Variants in DGKG observed in about 807,000 individuals in gnomAD.
DGKG encodes DAG kinase gamma.
DGKG carries 78 observed loss-of-function variants against 105.3 expected under a neutral mutation model. That is an observed-to-expected ratio of 0.74 (90% CI 0.62 to 0.89). The LOEUF (loss-of-function observed/expected upper bound fraction) is 0.89, where lower values mean the gene tolerates loss of function less well. Ranked by LOEUF, DGKG falls within the 40% of genes least tolerant of loss-of-function variation. DGKG has a pLI of 0.00. For missense variants in DGKG, 958 were observed against 1,020.1 expected (o/e 0.94, Z 0.83); for synonymous variants, 346 against 367.1 (o/e 0.94, Z 0.66).
chr3:186,288,170 G>T (rs1002174209), intron 6 of DGKG, among the ~76,000 whole-genome samples: 9 of 152,038 alleles, frequency 5.9e-5, no homozygotes, highest in Non-Finnish European at 1.0e-4. Flanking sequence ...TAATTAACTG[G>T]CCCCCTCGTT....
chr3:186,195,818 G>C (rs1472887908), intron 21 of DGKG, among the ~76,000 whole-genome samples: 1 of 152,116 alleles, frequency 6.6e-6, no homozygotes, highest in African/African-American at 2.4e-5. Flanking sequence ...AGATCTACAG[G>C]CTTGACTAGA....
intron 20 of DGKG, among the ~76,000 whole-genome samples, chr3:186,224,124 T>C (rs1459680058): frequency 1.3e-5 from 2 of 152,236 alleles, no homozygotes; most frequent in Non-Finnish European, 2.9e-5. Flanking sequence ...TACTTTATCC[T>C]ACTTAAATCT....
At chr3:186,253,043 T>C (rs1721299429) in intron 18 of DGKG, 50 bp downstream of exon 18, 1 of 1,531,876 alleles carries the variant, frequency 6.5e-7, no homozygotes. Context: ...AGCATCTCTG[T>C]AAACAGGAAC....
intron 6 of DGKG, among the ~76,000 whole-genome samples, chr3:186,286,121 C>A (rs1375686380): frequency 6.6e-6 from 1 of 152,138 alleles, no homozygotes; most frequent in Non-Finnish European, 1.5e-5. Flanking sequence ...TCATCATTTC[C>A]TCCTAGATGT....
Position 186,275,915 on chromosome 3 carries a change from C to T in DGKG, c.793-251G>A, listed in dbSNP as rs372599046. ...ATAAAATAAATCCTCTCCCGCATGGCTGGCAGAAGCATAAACTGAACAACA... is the reference window on the plus strand; with the variant it reads ...ATAAAATAAATCCTCTCCCGCATGGTTGGCAGAAGCATAAACTGAACAACA... On this transcript the variant is annotated intron_variant, in intron 9 of 24. Transcript: ENST00000265022. 2.6e-5 allele frequency among the ~76,000 whole-genome samples: 4 copies of T among 152,270 alleles called. No homozygotes were observed. In the East Asian group the frequency reaches 5.8e-4, roughly 22 times the overall value.
At chr3:186,256,623 T>A (rs1476341493) in intron 17 of DGKG, among the ~76,000 whole-genome samples, 1 of 152,210 alleles carries the variant, frequency 6.6e-6, no homozygotes, top group African/African-American at 2.4e-5. Flanking sequence ...AAAGCCATAT[T>A]CCATAGAATG....
chr3:186,288,904 T>A (rs1217971142), intron 5 of DGKG, 24 bp from the exon 6 acceptor site: 2 of 1,520,802 alleles, frequency 1.3e-6, no homozygotes, highest in African/African-American at 2.8e-5. Flanking sequence ...AAGGAAAACA[T>A]CCAAGGACAT....
At chr3:186,352,815 C>G (rs1242866668) in intron 1 of DGKG, among the ~76,000 whole-genome samples, 1 of 152,194 alleles carries the variant, frequency 6.6e-6, no homozygotes, top group Non-Finnish European at 1.5e-5. Context: ...TTCTCTCCTT[C>G]TAAGACAGCA....
chr3:186,262,228 C>A (rs914208917), intron 14 of DGKG, among the ~76,000 whole-genome samples: 1 of 152,140 alleles, frequency 6.6e-6, no homozygotes, highest in African/African-American at 2.4e-5. Flanking sequence ...TCCTCCTGAA[C>A]CCTGGTCCCA....
intron 7 of DGKG, among the ~76,000 whole-genome samples, chr3:186,282,578 T>A: frequency 6.6e-6 from 1 of 151,918 alleles, no homozygotes; most frequent in African/African-American, 2.4e-5. Context: ...AGTGGCGCCA[T>A]CTCGGCTCAT....
chr3:186,306,693 G>A (rs1046497220), intron 3 of DGKG: 7 of 518,776 alleles, frequency 1.3e-5, no homozygotes, highest in African/African-American at 1.2e-4. Flanking sequence ...AGGAGAAGTA[G>A]TGGTAGTCTT....
chr3:186,337,413 A>AAATAT (rs1199091893), intron 1 of DGKG, among the ~76,000 whole-genome samples: 1 of 146,840 alleles, frequency 6.8e-6, no homozygotes, highest in Non-Finnish European at 1.5e-5. Flanking sequence ...ATAAAAAAAC[A>AAATAT]AACAAAAAAA....
chr3:186,171,768 C>T (rs1470180863), intron 22 of DGKG, among the ~76,000 whole-genome samples: 2 of 152,174 alleles, frequency 1.3e-5, no homozygotes, highest in African/African-American at 4.8e-5. Context: ...CTCATGTAAT[C>T]TGCATATGAC....
chr3:186,244,085 C>T (rs887422291), intron 19 of DGKG, among the ~76,000 whole-genome samples: 2 of 151,736 alleles, frequency 1.3e-5, no homozygotes, highest in African/African-American at 2.4e-5. Context: ...TTAGTAGAGA[C>T]GGGTCTTCGC....
In DGKG at chr3:186,299,821, CTT is replaced by C. The variant is rs1217555597; in HGVS notation, c.145-1594_145-1593del. On this transcript the variant is annotated intron_variant, in intron 3 of 24. Coordinates refer to ENST00000265022, the MANE Select transcript of DGKG (RefSeq NM_001346.3). ...TCTTTCTTTCTTTCTTTCTTTCTTT[CTT>C]TCTTTCTTTCTTTCTTTTTTTTTTT... is the stretch of plus-strand genomic sequence containing the variant. Among the ~76,000 whole-genome samples, 925 of 99,426 alleles carry C rather than the reference CTT, an allele frequency of 9.3e-3. 13 individuals are homozygous for C. The highest frequency in any genetic ancestry group is 0.014 in the Non-Finnish European group (675 of 47,078). 65.2% of individuals were successfully genotyped at this position (99,426 alleles called of 152,430 possible). A position where few individuals can be genotyped will look rare whatever the true frequency, so the allele number is the denominator to read the frequency against.
At position 186,147,518 on chromosome 3, in the gene DGKG, T is replaced by A. The variant is rs1423404348; in HGVS notation, c.*2572A>T. Reference sequence around the variant, plus strand: ...GGCACGATTAAACAACAACACAAGATTTACTAAGGTTACCAAACTGGAAGT... The same window carrying A: ...GGCACGATTAAACAACAACACAAGAATTACTAAGGTTACCAAACTGGAAGT... On this transcript the variant is annotated 3_prime_UTR_variant, in exon 25 of 25. Transcript: ENST00000265022. 1 of 985,236 alleles carries A rather than the reference T, an allele frequency of 1.0e-6. No homozygotes were observed. The highest frequency in any genetic ancestry group is 1.2e-6 in the Non-Finnish European group (1 of 829,886). 61.0% of individuals were successfully genotyped at this position (985,236 alleles called of 1,614,324 possible). A position where few individuals can be genotyped will look rare whatever the true frequency, so the allele number is the denominator to read the frequency against.
Position 186,164,938 on chromosome 3 carries a change from C to T in DGKG, c.2176G>A (p.Ala726Thr), listed in dbSNP as rs1716465894. The T allele has an allele frequency of 6.2e-7, 1 of 1,613,934 alleles. No individual in the cohort carries two copies. The highest frequency in any genetic ancestry group is 1.3e-5 in the African/African-American group (1 of 75,048). Residue 726 changes from alanine to threonine, a missense_variant, in exon 23 of 25, where the codon GCA becomes ACA. Around this residue, in one of 2 missense-constraint regions of DGKG, gnomAD observed 315 missense variants for 400.6 expected, o/e 0.79. Coordinates refer to ENST00000265022, the MANE Select transcript of DGKG (RefSeq NM_001346.3). ...GCGCACTGGGCCAGCCTCCTGCCTGCACTCTTCAGGCCGGTGTAGATCTGC... is the reference window on the plus strand; with the variant it reads ...GCGCACTGGGCCAGCCTCCTGCCTGTACTCTTCAGGCCGGTGTAGATCTGC... Reference protein sequence around the residue: ...MGQIYTGLKSAGRRLAQCASV... With the variant: ...MGQIYTGLKSTGRRLAQCASV...
rs76493412 is a variant in DGKG at position 186,330,666 on chromosome 3, C to T, written c.-248-9959G>A. On this transcript the variant is annotated intron_variant, in intron 1 of 24. Transcript: ENST00000265022. Reference sequence around the variant, plus strand: ...CAGAGAGGAGAACTGAGCAACCCATCTGATGACAAGAACTGAAGCCCAAGA... The same window carrying T: ...CAGAGAGGAGAACTGAGCAACCCATTTGATGACAAGAACTGAAGCCCAAGA... 3.5e-4 allele frequency among the ~76,000 whole-genome samples: 53 copies of T among 152,322 alleles called. 3 individuals carry two copies. In the East Asian group the frequency reaches 0.01, roughly 29 times the overall value.
intron 5 of DGKG, among the ~76,000 whole-genome samples, chr3:186,297,066 TCTCACACACACA>T (rs1723609908): frequency 1.6e-5 from 2 of 123,682 alleles, no homozygotes; most frequent in Non-Finnish European, 3.4e-5. Flanking sequence ...TGTCTGTCTC[TCTCACACACACA>T]CACACACACA....
Sources: gnomAD v4.1 joint callset for allele counts (sites outside exome capture counted in the v4.1 genomes callset) on GRCh38, gnomAD v4.1.1 for gene constraint, gnomAD v4.1.1 regional missense constraint, MANE v1.5 for transcripts, NCBI Gene and HGNC (gene_info 2026-07-23, HGNC 2026-07-21) for gene names.